NOX4: variants seen among roughly 807,000 people sequenced by gnomAD.
NOX4 encodes the protein NADPH oxidase 4.
Under a neutral mutation model 87.6 loss-of-function variants are expected in NOX4, and 69 were observed. The ratio of observed to expected loss-of-function variants is 0.79; its 90% CI spans 0.65 to 0.96. The LOEUF is 0.96. Ranked by LOEUF, NOX4 falls within the 40% of genes least tolerant of loss-of-function variation. The pLI is 0.00. For synonymous variants in NOX4, 275 were observed against 238.2 expected, an observed-to-expected ratio of 1.15 and a Z score of -1.42; for missense variants, 680 against 681.5, an observed-to-expected ratio of 1.00 and a Z score of 0.02.
At chr11:89,531,256 C>A in the NOX4 span, among the ~76,000 whole-genome samples, 2 of 152,060 alleles carry the variant, frequency 1.3e-5, no homozygotes, top group Admixed American at 6.6e-5. Context: ...CCCTGCATTT[C>A]TTTCTATGAG....
At chr11:89,514,650 G>T in the NOX4 span, among the ~76,000 whole-genome samples, 91 of 150,180 alleles carry the variant, frequency 6.1e-4, no homozygotes, top group African/African-American at 2.2e-3. Context: ...TAAGTTGAGG[G>T]TTTGTTTGTT....
intron 2 of NOX4, among the ~76,000 whole-genome samples, chr11:89,462,605 A>G (rs1196135463): frequency 6.6e-6 from 1 of 152,118 alleles, no homozygotes; most frequent in African/African-American, 2.4e-5. Flanking sequence ...ATGGGAAAAG[A>G]AGAGTCTATT....
intron 15 of NOX4, among the ~76,000 whole-genome samples, chr11:89,339,027 G>A (rs181873747): frequency 2.4e-4 from 37 of 152,152 alleles, no homozygotes; most frequent in African/African-American, 8.4e-4. Context: ...CACCTGATGA[G>A]TTTTCAGATC....
chr11:89,535,930 G>A, the NOX4 span, among the ~76,000 whole-genome samples: 21 of 152,156 alleles, frequency 1.4e-4, no homozygotes, highest in African/African-American at 5.1e-4. Context: ...GAAGCACTGA[G>A]TAAAAAGGAA....
At chr11:89,388,966 A>C (rs1940920236) in intron 11 of NOX4, among the ~76,000 whole-genome samples, 1 of 152,188 alleles carries the variant, frequency 6.6e-6, no homozygotes, top group African/African-American at 2.4e-5. Context: ...CTGCACTTTT[A>C]TAAAGAAGTA....
the NOX4 span, among the ~76,000 whole-genome samples, chr11:89,557,500 A>T: frequency 6.6e-6 from 1 of 152,112 alleles, no homozygotes; most frequent in Non-Finnish European, 1.5e-5. Context: ...AGTAAATCAC[A>T]CCCTTTAAAC....
intron 12 of NOX4, among the ~76,000 whole-genome samples, chr11:89,364,989 T>C (rs1938838695): frequency 6.6e-6 from 1 of 152,092 alleles, no homozygotes. Flanking sequence ...CAGGGTTCTT[T>C]CCACTGCCGT....
intron 2 of NOX4, among the ~76,000 whole-genome samples, chr11:89,466,721 T>C (rs1177061630): frequency 6.6e-6 from 1 of 152,136 alleles, no homozygotes; most frequent in African/African-American, 2.4e-5. Flanking sequence ...GCAAATACAA[T>C]TTGTAACAGT....
intron 6 of NOX4, among the ~76,000 whole-genome samples, chr11:89,437,098 C>T (rs781707308): frequency 2.0e-5 from 3 of 151,966 alleles, no homozygotes; most frequent in Non-Finnish European, 4.4e-5. Context: ...CGCAGTGGCT[C>T]ACGCCTGTAA....
At chr11:89,559,168 A>C in the NOX4 span, among the ~76,000 whole-genome samples, 1 of 152,142 alleles carries the variant, frequency 6.6e-6, no homozygotes, top group Non-Finnish European at 1.5e-5. Flanking sequence ...GAAATAAAAA[A>C]ATCATGGGTC....
At chr11:89,388,675 G>T (rs1284291400) in intron 11 of NOX4, among the ~76,000 whole-genome samples, 1 of 152,092 alleles carries the variant, frequency 6.6e-6, no homozygotes, top group Non-Finnish European at 1.5e-5. Flanking sequence ...TCATCCTTAA[G>T]GCTAGAAGAC....
At chr11:89,434,174 C>T (rs1943966277) in intron 6 of NOX4, among the ~76,000 whole-genome samples, 1 of 152,044 alleles carries the variant, frequency 6.6e-6, no homozygotes, top group African/African-American at 2.4e-5. Context: ...GTAAGAGCAA[C>T]ACAGGTGTGT....
At chr11:89,541,720 T>C in the NOX4 span, among the ~76,000 whole-genome samples, 1 of 152,168 alleles carries the variant, frequency 6.6e-6, no homozygotes, top group Non-Finnish European at 1.5e-5. Context: ...GTTTTCACTA[T>C]AAAATAAAAG....
chr11:89,499,527 C>T (rs140694341), upstream of NOX4, among the ~76,000 whole-genome samples: 200 of 152,276 alleles, frequency 1.3e-3, no homozygotes, highest in African/African-American at 4.4e-3. Flanking sequence ...TGACAATTGT[C>T]TTGTCTTCTT....
intron 6 of NOX4, among the ~76,000 whole-genome samples, chr11:89,436,860 CT>C (rs1405651421): frequency 6.6e-6 from 1 of 151,498 alleles, no homozygotes; most frequent in Non-Finnish European, 1.5e-5. Flanking sequence ...CTTAGAAATC[CT>C]TAATTGGAAT....
At chr11:89,379,382 A>G (rs945856891) in intron 11 of NOX4, among the ~76,000 whole-genome samples, 1 of 152,064 alleles carries the variant, frequency 6.6e-6, no homozygotes, top group South Asian at 2.1e-4. Flanking sequence ...TAAAAAAAAA[A>G]AAATCTGTTT....
At chr11:89,359,506 A>G (rs115089518) in intron 12 of NOX4, among the ~76,000 whole-genome samples, 2,213 of 151,568 alleles carry the variant, frequency 0.015, 50 homozygotes, top group African/African-American at 0.05. Flanking sequence ...AGAAAATAAA[A>G]CCTCTTACCA....
At chr11:89,536,148 T>C in the NOX4 span, among the ~76,000 whole-genome samples, 6 of 139,600 alleles carry the variant, frequency 4.3e-5, no homozygotes, top group South Asian at 9.6e-4. Flanking sequence ...CTTTTTTTTT[T>C]TTTTTTTTTT....
Position 89,421,931 on chromosome 11 carries a change from G to C in NOX4, c.600C>G (p.Phe200Leu), listed in dbSNP as rs1353673797. The change falls in exon 8 of 18, where the codon TTC becomes TTG. Residue 200 changes from phenylalanine to leucine, a missense_variant. By Grantham distance (22) the Phe-to-Leu change is conservative (BLOSUM62 0). Coordinates refer to ENST00000263317, the MANE Select transcript of NOX4 (RefSeq NM_016931.5). ...AAACATGCAACGTCAGCAGCATGTA[G>C]AAGACAAAGAAGAGGTTATGAGTAT... ...FWYTHNLFFV[F>L]YMLLTLHVSG... 6.4e-7 allele frequency: 1 copy of C among 1,571,838 alleles called. No individual in the cohort carries two copies. Among genetic ancestry groups the C allele is most frequent in the Admixed American group, 1.9e-5 (1 of 51,522 alleles).
Sources: allele counts gnomAD v4.1 joint callset (sites outside exome capture counted in the v4.1 genomes callset), GRCh38; gene constraint gnomAD v4.1.1; transcripts MANE v1.5; gene names NCBI Gene and HGNC (gene_info 2026-07-23, HGNC 2026-07-21).